The following SLC39A11 variants were observed in gnomAD, a reference collection of about 807,000 sequenced individuals.
SLC39A11 encodes the protein zinc transporter ZIP11.
In SLC39A11, 33 loss-of-function variants were observed where a neutral mutation model predicts 36.1. The ratio of observed to expected loss-of-function variants is 0.91; its 90% CI spans 0.69 to 1.22. SLC39A11 has a LOEUF of 1.22. SLC39A11 is among the 50% of genes most tolerant of loss of function. The probability of loss-of-function intolerance (pLI) is 0.00; values close to 1 mark genes in which losing one functional copy is unlikely to be tolerated. For missense variants in SLC39A11, 432 were observed against 430.3 expected (o/e 1.00, Z -0.03); for synonymous variants, 166 against 170.3 (o/e 0.97, Z 0.20).
intron 7 of SLC39A11, among the ~76,000 whole-genome samples, chr17:72,692,264 G>A (rs981463805): frequency 3.0e-4 from 46 of 152,130 alleles, no homozygotes; most frequent in African/African-American, 8.9e-4. Context: ...ACCCGCCTCG[G>A]CCTCCCAAAG....
chr17:72,810,325 A>G (rs2077394961), intron 6 of SLC39A11, among the ~76,000 whole-genome samples: 1 of 152,220 alleles, frequency 6.6e-6, no homozygotes, highest in Non-Finnish European at 1.5e-5. Flanking sequence ...TTCTCCTAAT[A>G]GCCCAAACTG....
At chr17:72,655,899 G>A (rs1343806317) in intron 7 of SLC39A11, among the ~76,000 whole-genome samples, 8 of 152,190 alleles carry the variant, frequency 5.3e-5, no homozygotes, top group African/African-American at 1.7e-4. Context: ...GCCTAGACTG[G>A]CTGGAGGATG....
intron 6 of SLC39A11, among the ~76,000 whole-genome samples, chr17:72,799,440 C>T (rs927852197): frequency 5.9e-5 from 9 of 151,860 alleles, no homozygotes; most frequent in South Asian, 2.1e-4. Context: ...CCTGTGGGGT[C>T]GGGCAAAAAA....
chr17:72,787,012 G>A (rs558786297), intron 6 of SLC39A11, among the ~76,000 whole-genome samples: 3 of 152,050 alleles, frequency 2.0e-5, no homozygotes, highest in Admixed American at 6.5e-5. Flanking sequence ...TAGAGACGGG[G>A]TTTCACCATG....
intron 5 of SLC39A11, among the ~76,000 whole-genome samples, chr17:72,881,349 G>A (rs1354842923): frequency 6.6e-6 from 1 of 152,222 alleles, no homozygotes; most frequent in Non-Finnish European, 1.5e-5. Context: ...CTTGATTGCA[G>A]TGATGGTTTC....
chr17:72,959,502 T>C (rs892718245), intron 4 of SLC39A11, among the ~76,000 whole-genome samples: 40 of 151,722 alleles, frequency 2.6e-4, no homozygotes, highest in Admixed American at 9.2e-4. Context: ...CTCACTGATA[T>C]GTGGGAGCTA....
chr17:72,763,162 C>T (rs1321955003), intron 6 of SLC39A11, among the ~76,000 whole-genome samples: 5 of 152,140 alleles, frequency 3.3e-5, no homozygotes, highest in African/African-American at 4.8e-5. Flanking sequence ...TTCTCATCCA[C>T]GAACCCTCCA....
chr17:72,732,788 G>C (rs1307142274), intron 7 of SLC39A11, among the ~76,000 whole-genome samples: 1 of 152,192 alleles, frequency 6.6e-6, no homozygotes, highest in East Asian at 1.9e-4. Flanking sequence ...GTTCCTGCTA[G>C]AGCCTGAAAG....
At chr17:72,697,219 A>G (rs1299770651) in intron 7 of SLC39A11, among the ~76,000 whole-genome samples, 1 of 152,144 alleles carries the variant, frequency 6.6e-6, no homozygotes, top group Non-Finnish European at 1.5e-5. Flanking sequence ...AGTAGTTGGG[A>G]CTACAAGTGC....
Position 73,084,803 on chromosome 17 carries a change from C to A in SLC39A11, c.147+5G>T. 6.2e-7 allele frequency: 1 copy of A among 1,614,110 alleles called. No homozygotes were observed. On this transcript the variant is annotated splice_donor_5th_base_variant and intron_variant, in intron 3 of 9. Transcript: ENST00000255559. ...TTTCCATTTCTCCTACTACATGCTA[C>A]TTACCCCTGCAGCAAAGCCAAGACT... is the stretch of plus-strand genomic sequence containing the variant.
intron 4 of SLC39A11, among the ~76,000 whole-genome samples, chr17:72,975,968 A>C: frequency 6.6e-6 from 1 of 151,784 alleles, no homozygotes; most frequent in South Asian, 2.1e-4. Context: ...CAGGAGATTG[A>C]GACTATCCTG....
chr17:72,965,615 C>A (rs1396013092), intron 4 of SLC39A11, among the ~76,000 whole-genome samples: 1 of 152,108 alleles, frequency 6.6e-6, no homozygotes, highest in Non-Finnish European at 1.5e-5. Context: ...TCAGCAGGTT[C>A]GGTGTATTAA....
intron 4 of SLC39A11, among the ~76,000 whole-genome samples, chr17:73,011,459 G>A (rs2090510642): frequency 6.6e-6 from 1 of 152,186 alleles, no homozygotes; most frequent in African/African-American, 2.4e-5. Context: ...CTCACAACCT[G>A]CGTGGGATAC....
At chr17:72,764,632 C>A (rs2075703788) in intron 6 of SLC39A11, among the ~76,000 whole-genome samples, 1 of 152,124 alleles carries the variant, frequency 6.6e-6, no homozygotes, top group Non-Finnish European at 1.5e-5. Context: ...TGTGGCTGCA[C>A]CCGGTGAGGG....
chr17:72,784,070 T>A (rs2076415708), intron 6 of SLC39A11, among the ~76,000 whole-genome samples: 2 of 152,096 alleles, frequency 1.3e-5, no homozygotes, highest in Non-Finnish European at 2.9e-5. Flanking sequence ...AAAGGCCTGG[T>A]GTGGTGCCTC....
At chr17:73,009,220 T>C (rs1418185232) in intron 4 of SLC39A11, among the ~76,000 whole-genome samples, 3 of 151,294 alleles carry the variant, frequency 2.0e-5, no homozygotes, top group Non-Finnish European at 4.4e-5. Flanking sequence ...AAACGAAAAA[T>C]TAGCCAGGTG....
chr17:72,808,989 A>G (rs2077349620), intron 6 of SLC39A11, among the ~76,000 whole-genome samples: 1 of 152,248 alleles, frequency 6.6e-6, no homozygotes, highest in Non-Finnish European at 1.5e-5. Context: ...TATGTTAATT[A>G]AACTCTTTCT....
intron 6 of SLC39A11, among the ~76,000 whole-genome samples, chr17:72,817,646 T>C (rs1464065776): frequency 6.6e-6 from 1 of 152,170 alleles, no homozygotes; most frequent in Non-Finnish European, 1.5e-5. Flanking sequence ...AAGTATTTCA[T>C]CTTTACACAG....
intron 4 of SLC39A11, among the ~76,000 whole-genome samples, chr17:73,021,851 A>C (rs577445874): frequency 3.3e-5 from 5 of 152,342 alleles, no homozygotes; most frequent in African/African-American, 1.2e-4. Context: ...AACCAAGCCT[A>C]TCTGCACTCA....
Sources: allele counts gnomAD v4.1 joint callset (sites outside exome capture counted in the v4.1 genomes callset), GRCh38; gene constraint gnomAD v4.1.1; transcripts MANE v1.5; gene names NCBI Gene and HGNC (gene_info 2026-07-23, HGNC 2026-07-21).